PRKG1: variants seen among roughly 807,000 people sequenced by gnomAD.
PRKG1 encodes the protein protein kinase cGMP-dependent 1.
Under a neutral mutation model 88.1 loss-of-function variants are expected in PRKG1, and 35 were observed. That is an observed-to-expected ratio of 0.40 (90% confidence interval 0.30 to 0.53). The LOEUF is 0.53. Ranked by LOEUF, PRKG1 falls within the 20% of genes least tolerant of loss-of-function variation. PRKG1 has a pLI of 0.59. For missense variants in PRKG1, 540 were observed against 839.8 expected (o/e 0.64, Z 4.41); for synonymous variants, 303 against 292.5 (o/e 1.04, Z -0.37).
chr10:51,291,165 A>G (rs1215036778), intron 2 of PRKG1, among the ~76,000 whole-genome samples: 1 of 152,176 alleles, frequency 6.6e-6, no homozygotes, highest in Non-Finnish European at 1.5e-5. Context: ...TATGAAAGTT[A>G]ATGCCCCTGA....
chr10:51,580,637 CT>C (rs570650011), intron 3 of PRKG1, among the ~76,000 whole-genome samples: 51 of 152,210 alleles, frequency 3.4e-4, no homozygotes, highest in African/African-American at 1.2e-3. Flanking sequence ...CTTAAACAGC[CT>C]TTTGTCTTCC....
At chr10:51,917,735 T>A (rs1287279165) in intron 5 of PRKG1, among the ~76,000 whole-genome samples, 1 of 152,230 alleles carries the variant, frequency 6.6e-6, no homozygotes, top group Non-Finnish European at 1.5e-5. Context: ...TATTAACTTT[T>A]TAGCATCTAT....
At chr10:52,128,529 A>T in intron 7 of PRKG1, 1 of 985,440 alleles carries the variant, frequency 1.0e-6, no homozygotes, top group Non-Finnish European at 1.2e-6. Context: ...GACGAAGTTC[A>T]AAGAATATCA....
chr10:51,541,722 A>C (rs1425972826), intron 3 of PRKG1, among the ~76,000 whole-genome samples: 2 of 152,062 alleles, frequency 1.3e-5, no homozygotes, highest in African/African-American at 2.4e-5. Flanking sequence ...AAGATAATGA[A>C]GTTTTATTTT....
intron 2 of PRKG1, among the ~76,000 whole-genome samples, chr10:51,463,085 A>C (rs1310125386): frequency 6.6e-6 from 1 of 152,168 alleles, no homozygotes; most frequent in Non-Finnish European, 1.5e-5. Flanking sequence ...TTGGAAAACA[A>C]CTTTCTGATA....
At chr10:51,009,966 T>C (rs1461698204) in intron 1 of PRKG1, among the ~76,000 whole-genome samples, 1 of 152,242 alleles carries the variant, frequency 6.6e-6, no homozygotes, top group Non-Finnish European at 1.5e-5. Flanking sequence ...CTCTTCTCTT[T>C]ATTGTAAAAG....
chr10:51,430,898 C>T (rs1414723456), intron 2 of PRKG1, among the ~76,000 whole-genome samples: 1 of 152,112 alleles, frequency 6.6e-6, no homozygotes, highest in Non-Finnish European at 1.5e-5. Context: ...TACATCTAGA[C>T]AAAAAAGCAG....
At chr10:52,050,170 A>G (rs2133246241) in intron 5 of PRKG1, among the ~76,000 whole-genome samples, 1 of 152,150 alleles carries the variant, frequency 6.6e-6, no homozygotes, top group East Asian at 1.9e-4. Context: ...TGGCAGTAGG[A>G]GTGCTCAGGC....
chr10:52,154,059 T>G lies in PRKG1; in HGVS notation c.1002-7830T>G, dbSNP rs528819903. ...TGTGCCTGGCCTTCATTTTTATTTT[T>G]ATTCAAAATGGAACAAGTGATGTTC... On this transcript the variant is annotated intron_variant, in intron 8 of 17. Coordinates refer to ENST00000373980, the MANE Select transcript of PRKG1 (RefSeq NM_006258.4). Among the ~76,000 whole-genome samples, 7 of 136,820 alleles carry G rather than the reference T, an allele frequency of 5.1e-5. No homozygotes were observed. The East Asian group carries it at 1.6e-3, about 32-fold the overall frequency. The allele number at this position is 136,820 out of a possible 152,430, so 89.8% of individuals were successfully genotyped here.
intron 3 of PRKG1, among the ~76,000 whole-genome samples, chr10:51,673,504 G>A (rs1840634883): frequency 6.6e-6 from 1 of 151,984 alleles, no homozygotes; most frequent in South Asian, 2.1e-4. Flanking sequence ...TTCAGTAAGG[G>A]GAAAATCATG....
At chr10:51,214,514 C>T (rs1256036830) in intron 2 of PRKG1, among the ~76,000 whole-genome samples, 2 of 151,978 alleles carry the variant, frequency 1.3e-5, no homozygotes, top group Admixed American at 1.3e-4. Context: ...CAGGGTATTG[C>T]TCTTTTGCCC....
chr10:51,392,710 G>A (rs1218212608), intron 2 of PRKG1, among the ~76,000 whole-genome samples: 2 of 151,316 alleles, frequency 1.3e-5, no homozygotes, highest in African/African-American at 2.4e-5. Flanking sequence ...AGGGGCGGCC[G>A]GGCAGAGGCG....
At chr10:51,737,522 G>T (rs1321451700) in intron 3 of PRKG1, among the ~76,000 whole-genome samples, 1 of 152,018 alleles carries the variant, frequency 6.6e-6, no homozygotes, top group African/African-American at 2.4e-5. Context: ...AAAGGGGTAG[G>T]TTTCACTGGT....
chr10:51,337,117 A>G (rs1337455411), intron 2 of PRKG1, among the ~76,000 whole-genome samples: 1 of 152,186 alleles, frequency 6.6e-6, no homozygotes, highest in Non-Finnish European at 1.5e-5. Context: ...CTCCTCTACA[A>G]CCATCCAATC....
intron 10 of PRKG1, among the ~76,000 whole-genome samples, chr10:52,260,757 T>C (rs1841415450): frequency 6.6e-6 from 1 of 152,174 alleles, no homozygotes; most frequent in Non-Finnish European, 1.5e-5. Context: ...TAAAATTCTG[T>C]AAATACCATT....
intron 3 of PRKG1, among the ~76,000 whole-genome samples, chr10:51,714,748 T>G (rs983303933): frequency 6.6e-6 from 1 of 152,272 alleles, no homozygotes; most frequent in African/African-American, 2.4e-5. Context: ...TTTTGAAAGG[T>G]TGGAAGGTAT....
At chr10:51,225,641 A>G (rs541626105) in intron 2 of PRKG1, among the ~76,000 whole-genome samples, 130 of 152,208 alleles carry the variant, frequency 8.5e-4, no homozygotes, top group Non-Finnish European at 1.5e-3. Flanking sequence ...TATTATACGT[A>G]AATACATTAT....
intron 2 of PRKG1, among the ~76,000 whole-genome samples, chr10:51,375,406 A>G (rs887408603): frequency 6.6e-6 from 1 of 151,160 alleles, no homozygotes; most frequent in African/African-American, 2.4e-5. Context: ...GCTTGGGACC[A>G]GAGTGTTTTG....
intron 8 of PRKG1, among the ~76,000 whole-genome samples, chr10:52,143,860 G>A (rs977894482): frequency 3.9e-5 from 6 of 152,158 alleles, no homozygotes; most frequent in Non-Finnish European, 7.3e-5. Flanking sequence ...TATCCATACA[G>A]ATTCCAAACC....
Sources: allele counts gnomAD v4.1 joint callset (sites outside exome capture counted in the v4.1 genomes callset), GRCh38; gene constraint gnomAD v4.1.1; transcripts MANE v1.5; gene names NCBI Gene and HGNC (gene_info 2026-07-23, HGNC 2026-07-21).